TJP1: variants seen among roughly 807,000 people sequenced by gnomAD.
TJP1 encodes tight junction protein ZO-1.
TJP1 carries 43 observed loss-of-function variants against 194.2 expected under a neutral mutation model. That is an observed-to-expected ratio of 0.22 (90% CI 0.17 to 0.29). The LOEUF (loss-of-function observed/expected upper bound fraction) is 0.29. Among genes scored for constraint, TJP1 ranks in the 10% least tolerant of loss-of-function variants. The pLI, the probability that TJP1 is intolerant of heterozygous loss-of-function variation, is 1.00. For missense variants in TJP1, 1,971 were observed against 2,185.7 expected (o/e 0.90, Z 1.96); for synonymous variants, 801 against 779.0 (o/e 1.03, Z -0.47).
chr15:29,844,140 G>A lies in TJP1; in HGVS notation c.307-43438C>T, dbSNP rs186406002. On this transcript the variant is annotated intron_variant, in intron 2 of 28. Coordinates refer to the TJP1 transcript ENST00000356107. ...CTCTGTCTCCCAGGCTGCAGTGCGC[G>A]GCTCACTGCAACCTCCTCATCTCGG... Among the ~76,000 whole-genome samples the A allele has an allele frequency of 8.5e-5, 13 of 152,248 alleles. No individual in the cohort carries two copies. The East Asian group carries it at 1.7e-3, about 20-fold the overall frequency.
rs766699548 is a variant in TJP1, at chr15:29,716,847, T to A, written c.3975-9A>T. 5 of 1,584,116 alleles carry A rather than the reference T, an allele frequency of 3.2e-6. No homozygotes were observed. The South Asian group carries it at 5.7e-5, about 18-fold the overall frequency. ...TTTGAGGTTCTGGGATCCTAACAGA[T>A]AATGAATGACAAACGGAACACCTTT... On this transcript the variant is annotated splice_polypyrimidine_tract_variant and intron_variant, in intron 22 of 27. Coordinates refer to ENST00000614355, the MANE Select transcript of TJP1 (RefSeq NM_001330239.4).
At chr15:29,902,591 C>T (rs2053667681) in intron 2 of TJP1, among the ~76,000 whole-genome samples, 1 of 152,098 alleles carries the variant, frequency 6.6e-6, no homozygotes, top group South Asian at 2.1e-4. Context: ...AACAAAATTC[C>T]TTTATTTAAT....
chr15:29,869,041 C>T (rs1446651307), intron 2 of TJP1, among the ~76,000 whole-genome samples: 1 of 152,120 alleles, frequency 6.6e-6, no homozygotes, highest in African/African-American at 2.4e-5. Flanking sequence ...GGCAGCATTT[C>T]AAGAAAAGAG....
intron 2 of TJP1, among the ~76,000 whole-genome samples, chr15:29,867,986 G>A (rs1364561497): frequency 2.0e-5 from 3 of 150,154 alleles, no homozygotes; most frequent in Non-Finnish European, 2.9e-5. Flanking sequence ...AGCTCAGGAG[G>A]CAGAGAGGTT....
intron 2 of TJP1, among the ~76,000 whole-genome samples, chr15:29,921,328 G>A (rs530217864): frequency 4.6e-5 from 7 of 152,014 alleles, no homozygotes; most frequent in Admixed American, 1.3e-4. Flanking sequence ...TGCCTCATAG[G>A]TGCTTCCGCT....
chr15:29,886,634 C>A (rs2152144363), intron 2 of TJP1, among the ~76,000 whole-genome samples: 1 of 148,816 alleles, frequency 6.7e-6, no homozygotes, highest in Admixed American at 6.7e-5. Flanking sequence ...ACTAGATATA[C>A]AAAACCAAAT....
intron 23 of TJP1, among the ~76,000 whole-genome samples, chr15:29,711,349 C>T (rs1383322237): frequency 6.6e-6 from 1 of 152,102 alleles, no homozygotes; most frequent in Non-Finnish European, 1.5e-5. Context: ...CATATCATGG[C>T]ACAAATTTTC....
At chr15:29,832,407 G>C (rs2050864873) in intron 2 of TJP1, among the ~76,000 whole-genome samples, 1 of 152,222 alleles carries the variant, frequency 6.6e-6, no homozygotes, top group Non-Finnish European at 1.5e-5. Flanking sequence ...AAGTCTAGCT[G>C]TCTGAGCCAG....
chr15:29,816,622 C>A (rs1567088122), intron 1 of TJP1, among the ~76,000 whole-genome samples: 1 of 152,274 alleles, frequency 6.6e-6, no homozygotes, highest in African/African-American at 2.4e-5. Context: ...CAGTATGAAG[C>A]AAGTATGCAT....
intron 2 of TJP1, among the ~76,000 whole-genome samples, chr15:29,851,016 T>C (rs1048905362): frequency 6.6e-6 from 1 of 152,014 alleles, no homozygotes; most frequent in African/African-American, 2.4e-5. Context: ...CATGTGCCCG[T>C]AATTCCAGAT....
At chr15:29,738,906 C>T (rs1368570222) in intron 10 of TJP1, among the ~76,000 whole-genome samples, 1 of 136,290 alleles carries the variant, frequency 7.3e-6, no homozygotes, top group African/African-American at 2.7e-5. Flanking sequence ...AGCTGGGTTT[C>T]GTGGCTCGTT....
At chr15:29,779,575 A>G (rs959690696) in intron 2 of TJP1, among the ~76,000 whole-genome samples, 2 of 152,166 alleles carry the variant, frequency 1.3e-5, no homozygotes, top group African/African-American at 2.4e-5. Context: ...TTTCAACTCA[A>G]TGCAACCCTG....
intron 2 of TJP1, among the ~76,000 whole-genome samples, chr15:29,898,060 G>A (rs1452242472): frequency 6.6e-6 from 1 of 152,108 alleles, no homozygotes; most frequent in East Asian, 1.9e-4. Flanking sequence ...ATTTGAGAGG[G>A]GCCAGGAGCG....
At chr15:29,856,450 G>A (rs2051854235) in intron 2 of TJP1, among the ~76,000 whole-genome samples, 2 of 152,308 alleles carry the variant, frequency 1.3e-5, no homozygotes, top group South Asian at 4.2e-4. Context: ...TGGGGGAAGG[G>A]GGAATGGGGA....
intron 2 of TJP1, among the ~76,000 whole-genome samples, chr15:29,948,861 G>A (rs996044983): frequency 6.6e-5 from 10 of 151,924 alleles, no homozygotes; most frequent in African/African-American, 2.2e-4. Flanking sequence ...TCAGCCCACT[G>A]TAAGAAGAGA....
intron 2 of TJP1, among the ~76,000 whole-genome samples, chr15:29,857,293 G>A (rs976238236): frequency 3.6e-5 from 5 of 140,170 alleles, no homozygotes; most frequent in African/African-American, 1.3e-4. Flanking sequence ...AATGGATACT[G>A]TTTTTTTTTT....
At chr15:29,759,232 T>A (rs941754897) in intron 8 of TJP1, 2 of 152,220 alleles carry the variant, frequency 1.3e-5, no homozygotes, top group African/African-American at 4.8e-5. Flanking sequence ...TTTAGTGACT[T>A]CTATGGCTTC....
chr15:29,849,721 T>C (rs1455902960), intron 2 of TJP1, among the ~76,000 whole-genome samples: 1 of 143,284 alleles, frequency 7.0e-6, no homozygotes, highest in Non-Finnish European at 1.5e-5. Flanking sequence ...TACTCCAGCC[T>C]GGGCAACAGA....
chr15:29,866,370 G>T (rs2052302398), intron 2 of TJP1, among the ~76,000 whole-genome samples: 1 of 152,180 alleles, frequency 6.6e-6, no homozygotes, highest in Admixed American at 6.5e-5. Context: ...AAGGATGGTT[G>T]CAATAAACAG....
Sources: gnomAD v4.1 joint callset for allele counts (sites outside exome capture counted in the v4.1 genomes callset) on GRCh38, gnomAD v4.1.1 for gene constraint, MANE v1.5 for transcripts, NCBI Gene and HGNC (gene_info 2026-07-23, HGNC 2026-07-21) for gene names.